DNAH9: variants seen among roughly 807,000 people sequenced by gnomAD.
DNAH9 encodes dynein axonemal heavy chain 9.
Under a neutral mutation model 471.6 loss-of-function variants are expected in DNAH9, and 345 were observed. The observed-to-expected ratio is 0.73, with a 90% CI of 0.67 to 0.80. DNAH9 has a LOEUF of 0.80. Among genes scored for constraint, DNAH9 ranks in the 30% least tolerant of loss-of-function variants. The pLI is 0.00. For missense variants in DNAH9, 5,407 were observed against 5,609.2 expected (o/e 0.96, Z 1.15); for synonymous variants, 2,093 against 2,123.6 (o/e 0.99, Z 0.40).
intron 59 of DNAH9, among the ~76,000 whole-genome samples, chr17:11,902,240 G>A (rs867097656): frequency 6.6e-6 from 1 of 152,196 alleles, no homozygotes; most frequent in Non-Finnish European, 1.5e-5. Context: ...AATCCTCATA[G>A]AAATAGACAA....
intron 41 of DNAH9, among the ~76,000 whole-genome samples, chr17:11,786,937 G>C (rs1040275176): frequency 2.6e-5 from 4 of 152,170 alleles, no homozygotes; most frequent in African/African-American, 4.8e-5. Flanking sequence ...TGTGGAGAAC[G>C]CAACATCCCT....
At chr17:11,826,676 A>ATGGTCT (rs1416608597) in intron 48 of DNAH9, among the ~76,000 whole-genome samples, 1 of 149,988 alleles carries the variant, frequency 6.7e-6, no homozygotes, top group East Asian at 2.0e-4. Context: ...GTTAGCCAGG[A>ATGGTCT]TGGTCTTGAT....
chr17:11,643,239 C>G (rs568054637), intron 10 of DNAH9, among the ~76,000 whole-genome samples: 1 of 152,218 alleles, frequency 6.6e-6, no homozygotes, highest in Non-Finnish European at 1.5e-5. Flanking sequence ...GCAGAAGCCT[C>G]CATTTGTGTG....
intron 45 of DNAH9, among the ~76,000 whole-genome samples, chr17:11,811,590 C>T (rs548798960): frequency 3.3e-5 from 5 of 152,296 alleles, no homozygotes; most frequent in African/African-American, 7.2e-5. Context: ...TTCCTCCTTT[C>T]AGTCTCATCA....
At chr17:11,707,451 A>G (rs1397877972) in intron 26 of DNAH9, among the ~76,000 whole-genome samples, 1 of 152,202 alleles carries the variant, frequency 6.6e-6, no homozygotes, top group East Asian at 1.9e-4. Flanking sequence ...GGACATGGAA[A>G]ATCCAAAGTA....
At chr17:11,760,431 T>G (rs978263265) in intron 35 of DNAH9, among the ~76,000 whole-genome samples, 3 of 152,220 alleles carry the variant, frequency 2.0e-5, no homozygotes, top group Admixed American at 2.0e-4. Context: ...ATTCTGACTG[T>G]ATTAAGTCTA....
intron 17 of DNAH9, among the ~76,000 whole-genome samples, chr17:11,671,565 G>A (rs1265400553): frequency 6.6e-6 from 1 of 152,152 alleles, no homozygotes; most frequent in African/African-American, 2.4e-5. Context: ...GCCTTGGGCT[G>A]ATTAGGGCAG....
Position 11,598,891 on chromosome 17 carries a change from G to T in DNAH9, c.393G>T (p.Glu131Asp). Residue 131 changes from glutamate to aspartate, a missense_variant, in exon 1 of 69, where the codon GAG becomes GAT. By Grantham distance (45) the Glu-to-Asp change is conservative. This residue lies in a region of DNAH9 where 767 missense variants were observed against 692.5 expected (regional missense o/e 1.11). Coordinates refer to ENST00000262442, the MANE Select transcript of DNAH9 (RefSeq NM_001372.4). Reference sequence around the variant, plus strand: ...GGGACCTGCCCGCGGCACCTCTGGAGCACCTAGCCGCGCTGTTCTCGGAGG... The same window carrying T: ...GGGACCTGCCCGCGGCACCTCTGGATCACCTAGCCGCGCTGTTCTCGGAGG... ...VCGDLPAAPLEHLAALFSEVV... is the reference protein window; with the variant it reads ...VCGDLPAAPLDHLAALFSEVV... 1 of 1,538,858 alleles carries T rather than the reference G, an allele frequency of 6.5e-7. No homozygotes were observed. The highest frequency in any genetic ancestry group is 8.7e-7 in the Non-Finnish European group (1 of 1,149,246).
rs1401213565 is a variant in DNAH9, at chr17:11,794,455, C to CCAGGTCTACATGACAAACT, written c.8223+793_8223+811dup. 2.2e-4 allele frequency among the ~76,000 whole-genome samples: 33 copies of CCAGGTCTACATGACAAACT among 152,288 alleles called. 1 individual carries two copies. The highest frequency in any genetic ancestry group is 1.9e-3 in the Admixed American group (29 of 15,294). On this transcript the variant is annotated intron_variant, in intron 42 of 68. Transcript: ENST00000262442. ...TAGAAGTTATTTCTCTGTCCACTAC[C>CCAGGTCTACATGACAAACT]CAGGTCTACATGACAAACTCTCAAA...
At chr17:11,731,681 A>G (rs190126694) in intron 28 of DNAH9, among the ~76,000 whole-genome samples, 41 of 151,878 alleles carry the variant, frequency 2.7e-4, no homozygotes, top group African/African-American at 7.5e-4. Flanking sequence ...TAGTTTGCTG[A>G]GAATGATTGT....
intron 27 of DNAH9, among the ~76,000 whole-genome samples, chr17:11,721,064 G>A (rs2075048759): frequency 6.6e-6 from 1 of 152,150 alleles, no homozygotes; most frequent in African/African-American, 2.4e-5. Flanking sequence ...TTTGGATGTA[G>A]AAGACGTGGT....
intron 48 of DNAH9, among the ~76,000 whole-genome samples, chr17:11,830,984 A>G (rs1970669130): frequency 6.6e-6 from 1 of 152,224 alleles, no homozygotes; most frequent in Non-Finnish European, 1.5e-5. Flanking sequence ...AAAGGTGAAC[A>G]TTTATTAGGC....
At chr17:11,621,238 C>T (rs957839931) in intron 6 of DNAH9, among the ~76,000 whole-genome samples, 65 of 151,508 alleles carry the variant, frequency 4.3e-4, no homozygotes, top group Middle Eastern at 3.4e-3. Flanking sequence ...TGAAATCCCG[C>T]CTCTACTAAA....
In DNAH9 at chr17:11,956,289, TA is replaced by T. The variant is rs530178358; in HGVS notation, c.12844-5577del. 8.4e-4 allele frequency among the ~76,000 whole-genome samples: 128 copies of T among 152,260 alleles called. No homozygotes were observed. The South Asian group carries it at 8.9e-3, about 11-fold the overall frequency. On this transcript the variant is annotated intron_variant, in intron 67 of 68. Coordinates refer to ENST00000262442, the MANE Select transcript of DNAH9 (RefSeq NM_001372.4). ...ATAATAAGTCAATTTTTCAAGAGGATATAACAATCCTAAGTGTATAGGCACC... is the reference window on the plus strand; with the variant it reads ...ATAATAAGTCAATTTTTCAAGAGGATTAACAATCCTAAGTGTATAGGCACC...
chr17:11,641,241 C>T (rs2073264976), intron 10 of DNAH9, among the ~76,000 whole-genome samples: 1 of 151,838 alleles, frequency 6.6e-6, no homozygotes. Flanking sequence ...CTGCAGGGGG[C>T]CACCAGCACC....
At chr17:11,606,443 CTTTTCTTTTCTTTT>C (rs2072506792) in intron 1 of DNAH9, among the ~76,000 whole-genome samples, 1 of 69,124 alleles carries the variant, frequency 1.4e-5, no homozygotes, top group Non-Finnish European at 2.5e-5. Context: ...CTTTTCTTTT[CTTTTCTTTTCTTTT>C]TTTTTTTTTT....
chr17:11,950,109 T>A (rs1324859461), intron 67 of DNAH9, among the ~76,000 whole-genome samples: 1 of 152,186 alleles, frequency 6.6e-6, no homozygotes, highest in African/African-American at 2.4e-5. Context: ...CACAGCAAAA[T>A]TGCACAGAAG....
intron 27 of DNAH9, among the ~76,000 whole-genome samples, chr17:11,725,945 A>G (rs752017784): frequency 8.5e-5 from 13 of 152,194 alleles, no homozygotes; most frequent in Non-Finnish European, 1.5e-4. Flanking sequence ...ATCCTCTCAT[A>G]ACAATGCTCT....
intron 27 of DNAH9, among the ~76,000 whole-genome samples, chr17:11,727,296 G>C (rs550170258): frequency 1.3e-5 from 2 of 152,142 alleles, no homozygotes; most frequent in Admixed American, 6.5e-5. Flanking sequence ...CATTTGAAAA[G>C]ATTTACCTTT....
Sources: gnomAD v4.1 joint callset for allele counts (sites outside exome capture counted in the v4.1 genomes callset) on GRCh38, gnomAD v4.1.1 for gene constraint, gnomAD v4.1.1 regional missense constraint, MANE v1.5 for transcripts, NCBI Gene and HGNC (gene_info 2026-07-23, HGNC 2026-07-21) for gene names.